The following PLXNA4 variants were observed in gnomAD, a reference collection of about 807,000 sequenced individuals.
PLXNA4 encodes the protein plexin A4.
In PLXNA4, 44 loss-of-function variants were observed where a neutral mutation model predicts 191.8. The observed-to-expected ratio is 0.23, with a 90% confidence interval of 0.18 to 0.29. The LOEUF is 0.29. Among genes scored for constraint, PLXNA4 ranks in the 10% least tolerant of loss-of-function variants. The pLI, the probability that PLXNA4 is intolerant of heterozygous loss-of-function variation, is 1.00. For missense variants in PLXNA4, 1,800 were observed against 2,488.8 expected, an observed-to-expected ratio of 0.72 and a Z score of 5.89; for synonymous variants, 1,082 against 1,009.5, an observed-to-expected ratio of 1.07 and a Z score of -1.36.
chr7:132,258,510 C>T (rs917723689), intron 4 of PLXNA4, among the ~76,000 whole-genome samples: 1 of 152,212 alleles, frequency 6.6e-6, no homozygotes, highest in African/African-American at 2.4e-5. Context: ...GTCCTGTGTT[C>T]TCAATGACTC....
At chr7:132,298,815 C>T (rs899746938) in intron 3 of PLXNA4, among the ~76,000 whole-genome samples, 4 of 152,202 alleles carry the variant, frequency 2.6e-5, no homozygotes, top group Admixed American at 2.6e-4. Flanking sequence ...GTTCACGTCC[C>T]CAGCAAAAGG....
Position 132,125,433 on chromosome 7 carries a change from C to T in PLXNA4, c.*5046G>A, listed in dbSNP as rs541331466. On this transcript the variant is annotated 3_prime_UTR_variant, in exon 32 of 32. Transcript: ENST00000321063. ...TTTTTTTTTTCAATGGGGGAGGCTC[C>T]TCCTGTCCTCTGAACCTCTCCTCAT... 2 of 152,198 alleles carry T rather than the reference C, an allele frequency of 1.3e-5. No individual in the cohort carries two copies. The highest frequency in any genetic ancestry group is 3.9e-4 in the East Asian group (2 of 5,176). The allele number at this position is 152,198 out of a possible 1,614,324, so 9.4% of individuals were successfully genotyped here. A position where few individuals can be genotyped will look rare whatever the true frequency, so the allele number is the denominator to read the frequency against.
chr7:132,201,806 C>T (rs867342517), intron 12 of PLXNA4, among the ~76,000 whole-genome samples: 26 of 152,248 alleles, frequency 1.7e-4, no homozygotes, highest in South Asian at 6.2e-4. Context: ...TAAATGAACT[C>T]CAGGGGCAGT....
chr7:132,219,177 C>T (rs1473992312), intron 9 of PLXNA4, among the ~76,000 whole-genome samples: 3 of 152,180 alleles, frequency 2.0e-5, no homozygotes, highest in African/African-American at 7.2e-5. Context: ...CAGAGATTTG[C>T]AGAAGAGTCA....
intron 3 of PLXNA4, among the ~76,000 whole-genome samples, chr7:132,306,715 G>A (rs1801536220): frequency 6.6e-6 from 1 of 152,094 alleles, no homozygotes; most frequent in African/African-American, 2.4e-5. Context: ...TGCCACAGCT[G>A]GAACCAGGAG....
intron 4 of PLXNA4, among the ~76,000 whole-genome samples, chr7:132,260,249 G>A (rs1799590219): frequency 1.3e-5 from 2 of 152,160 alleles, no homozygotes; most frequent in Admixed American, 1.3e-4. Flanking sequence ...AAGACATGGA[G>A]TCAACCTGGA....
chr7:132,276,083 T>C (rs1008194136), intron 4 of PLXNA4, among the ~76,000 whole-genome samples: 4 of 152,208 alleles, frequency 2.6e-5, no homozygotes, highest in East Asian at 3.9e-4. Context: ...ATAGCACTTA[T>C]TGCTGGAAGA....
chr7:132,389,581 T>C (rs1805310252), intron 3 of PLXNA4, among the ~76,000 whole-genome samples: 1 of 152,198 alleles, frequency 6.6e-6, no homozygotes, highest in South Asian at 2.1e-4. Context: ...TGGTTGTAGA[T>C]GTGTGGAATT....
chr7:132,563,331 T>C (rs1253333414), intron 1 of PLXNA4, among the ~76,000 whole-genome samples: 1 of 111,742 alleles, frequency 8.9e-6, no homozygotes. Context: ...CTTCTCCTCC[T>C]CCTCCTTCTC....
At chr7:132,312,809 T>C (rs1378133436) in intron 3 of PLXNA4, among the ~76,000 whole-genome samples, 1 of 152,018 alleles carries the variant, frequency 6.6e-6, no homozygotes, top group East Asian at 1.9e-4. Flanking sequence ...ATTTAATGAG[T>C]TAGTAGATGA....
chr7:132,416,247 A>G, intron 3 of PLXNA4, among the ~76,000 whole-genome samples: 1 of 152,252 alleles, frequency 6.6e-6, no homozygotes, highest in East Asian at 1.9e-4. Context: ...AGTTCTTCCC[A>G]TCTAGAAAGG....
intron 3 of PLXNA4, among the ~76,000 whole-genome samples, chr7:132,458,687 G>C (rs1487652958): frequency 6.6e-6 from 1 of 151,920 alleles, no homozygotes; most frequent in South Asian, 2.1e-4. Flanking sequence ...GACTTCTGGG[G>C]CATGGGAATG....
intron 24 of PLXNA4, among the ~76,000 whole-genome samples, chr7:132,163,473 C>T (rs1796009398): frequency 1.3e-5 from 2 of 152,184 alleles, no homozygotes; most frequent in African/African-American, 4.8e-5. Context: ...GGAACCTGCC[C>T]CAATTCACCC....
intron 19 of PLXNA4, 151 bp downstream of exon 19, chr7:132,180,435 G>T: frequency 1.6e-6 from 2 of 1,255,496 alleles, no homozygotes; most frequent in Non-Finnish European, 2.2e-6. Context: ...AAGCTCAAAA[G>T]TGAACATGAA....
intron 8 of PLXNA4, among the ~76,000 whole-genome samples, chr7:132,225,069 A>G (rs1359567868): frequency 6.6e-6 from 1 of 152,122 alleles, no homozygotes; most frequent in African/African-American, 2.4e-5. Flanking sequence ...CCAACCTTTA[A>G]TCAGAGGAGC....
At chr7:132,555,234 A>G (rs2116600649) in intron 1 of PLXNA4, among the ~76,000 whole-genome samples, 1 of 152,242 alleles carries the variant, frequency 6.6e-6, no homozygotes, top group South Asian at 2.1e-4. Context: ...GAGTCTTCCA[A>G]AAATAAAGGA....
intron 3 of PLXNA4, among the ~76,000 whole-genome samples, chr7:132,473,878 G>A (rs956890243): frequency 2.6e-5 from 4 of 151,560 alleles, no homozygotes; most frequent in Non-Finnish European, 4.4e-5. Flanking sequence ...AAATTAAAAT[G>A]TACTGAGAAT....
chr7:132,623,635 G>A (rs1306141245), intron 2 of PLXNA4, among the ~76,000 whole-genome samples: 1 of 152,184 alleles, frequency 6.6e-6, no homozygotes, highest in Non-Finnish European at 1.5e-5. Flanking sequence ...AAGACAAGGA[G>A]AGGAGGACCT....
intron 2 of PLXNA4, among the ~76,000 whole-genome samples, chr7:132,634,731 C>A (rs954824987): frequency 7.2e-5 from 11 of 152,216 alleles, no homozygotes; most frequent in African/African-American, 1.9e-4. Context: ...CTGGCCACCA[C>A]CTCTCACGTA....
Sources: gnomAD v4.1 joint callset for allele counts (sites outside exome capture counted in the v4.1 genomes callset) on GRCh38, gnomAD v4.1.1 for gene constraint, MANE v1.5 for transcripts, NCBI Gene and HGNC (gene_info 2026-07-23, HGNC 2026-07-21) for gene names.